SENP7: variants seen among roughly 807,000 people sequenced by gnomAD.
SENP7 encodes the protein sentrin-specific protease 7.
In SENP7, 64 loss-of-function variants were observed where a neutral mutation model predicts 141.2. The ratio of observed to expected loss-of-function variants is 0.45; its 90% CI spans 0.37 to 0.56. SENP7 has a LOEUF of 0.56. SENP7 is among the 20% of genes least tolerant of loss of function. The probability of loss-of-function intolerance (pLI) is 0.00; values close to 1 mark genes in which losing one functional copy is unlikely to be tolerated. For synonymous variants in SENP7, 382 were observed against 426.4 expected (o/e 0.90, Z 1.28); for missense variants, 1,025 against 1,212.2 (o/e 0.85, Z 2.29).
chr3:101,407,766 C>A (rs1405143235), intron 5 of SENP7, among the ~76,000 whole-genome samples: 1 of 152,086 alleles, frequency 6.6e-6, no homozygotes, highest in Non-Finnish European at 1.5e-5. Flanking sequence ...CCTATCAAAA[C>A]CTCTGGGACA....
chr3:101,376,607 G>T (rs1013284896), intron 6 of SENP7, among the ~76,000 whole-genome samples: 2 of 151,960 alleles, frequency 1.3e-5, no homozygotes, highest in African/African-American at 4.8e-5. Context: ...ACACAGGAAG[G>T]GGAATATCAC....
chr3:101,476,950 G>GT (rs1315554340), intron 3 of SENP7, among the ~76,000 whole-genome samples: 1 of 152,038 alleles, frequency 6.6e-6, no homozygotes, highest in Non-Finnish European at 1.5e-5. Flanking sequence ...GGGGTTATTT[G>GT]TTTTTTTCTT....
intron 3 of SENP7, among the ~76,000 whole-genome samples, chr3:101,462,776 G>A (rs559769179): frequency 6.6e-6 from 1 of 151,024 alleles, no homozygotes; most frequent in South Asian, 2.1e-4. Context: ...GCTGAGGCAT[G>A]AGAATCGCTG....
Position 101,334,995 on chromosome 3 carries a change from G to A in SENP7, c.2481-2133C>T, listed in dbSNP as rs190177214. Among the ~76,000 whole-genome samples the A allele has an allele frequency of 2.6e-5, 4 of 152,240 alleles. No individual in the cohort carries two copies. In the East Asian group the frequency reaches 7.7e-4, roughly 29 times the overall value. On this transcript the variant is annotated intron_variant, in intron 17 of 23. Transcript: ENST00000394095. Reference sequence around the variant, plus strand: ...TAATATGTTCCAAGCACCGAGCAAGGTACTGAGGATAGAGTGGAAAATAAG... The same window carrying A: ...TAATATGTTCCAAGCACCGAGCAAGATACTGAGGATAGAGTGGAAAATAAG...
At chr3:101,457,468 A>G (rs2063391548) in intron 4 of SENP7, 1 of 1,608,306 alleles carries the variant, frequency 6.2e-7, no homozygotes, top group Non-Finnish European at 8.5e-7. Context: ...GTAATGGTGA[A>G]AGTGTTTGCT....
intron 12 of SENP7, among the ~76,000 whole-genome samples, chr3:101,349,634 T>C (rs544219901): frequency 5.3e-5 from 8 of 152,176 alleles, no homozygotes; most frequent in Admixed American, 2.6e-4. Context: ...TGTATACATA[T>C]GTAACAGACC....
At chr3:101,447,040 C>G (rs1363979285) in intron 4 of SENP7, among the ~76,000 whole-genome samples, 1 of 151,836 alleles carries the variant, frequency 6.6e-6, no homozygotes, top group Admixed American at 6.6e-5. Flanking sequence ...AGATCGAAAA[C>G]AAAAAGTGAG....
At chr3:101,493,991 A>T in intron 2 of SENP7, 23 bp from the exon 3 acceptor site, 2 of 1,435,460 alleles carry the variant, frequency 1.4e-6, no homozygotes, top group Non-Finnish European at 9.8e-7. Flanking sequence ...TGAGAAAATA[A>T]TTAGTTTAAT....
intron 5 of SENP7, among the ~76,000 whole-genome samples, chr3:101,406,480 G>A (rs1423836458): frequency 1.3e-5 from 2 of 151,804 alleles, no homozygotes; most frequent in African/African-American, 4.8e-5. Context: ...TATATCTAAT[G>A]TAAATGACGA....
intron 1 of SENP7, among the ~76,000 whole-genome samples, chr3:101,502,385 C>G (rs1485674426): frequency 5.3e-5 from 8 of 152,216 alleles, no homozygotes; most frequent in African/African-American, 1.9e-4. Flanking sequence ...TCACTGCAAC[C>G]TCCACCTCCC....
chr3:101,326,184 T>C, intron 23 of SENP7, 104 bp from the exon 24 acceptor site: 1 of 897,686 alleles, frequency 1.1e-6, no homozygotes, highest in Non-Finnish European at 1.6e-6. Flanking sequence ...TTTTTTAAAA[T>C]AACAATTATA....
chr3:101,417,853 C>T, intron 4 of SENP7, 63 bp from the exon 5 acceptor site: 1 of 1,274,656 alleles, frequency 7.8e-7, no homozygotes, highest in Non-Finnish European at 1.1e-6. Flanking sequence ...ATGAATTCAT[C>T]ACAAACTAAT....
intron 5 of SENP7, among the ~76,000 whole-genome samples, chr3:101,406,411 C>T (rs919063511): frequency 2.0e-5 from 3 of 151,162 alleles, no homozygotes; most frequent in Admixed American, 2.0e-4. Flanking sequence ...GGAAGGGGAA[C>T]ATCACACACC....
chr3:101,327,829 A>T lies in SENP7; in HGVS notation c.2865-13T>A. 19 of 1,568,956 alleles carry T rather than the reference A, an allele frequency of 1.2e-5. No homozygotes were observed. The highest frequency in any genetic ancestry group is 1.7e-5 in the Non-Finnish European group (19 of 1,145,254). On this transcript the variant is annotated splice_polypyrimidine_tract_variant and intron_variant, in intron 22 of 23. Coordinates refer to ENST00000394095, the MANE Select transcript of SENP7 (RefSeq NM_020654.5). Reference sequence around the variant, plus strand: ...TACCTCTAAATACCTGAAATAATCAACAAATAAGAGTGACTAAAGTAGAAA... The same window carrying T: ...TACCTCTAAATACCTGAAATAATCATCAAATAAGAGTGACTAAAGTAGAAA...
Position 101,513,195 on chromosome 3 carries a change from G to GCC in SENP7, c.-66_-65insGG. The GCC allele has an allele frequency of 2.4e-5, 16 of 669,284 alleles. No individual in the cohort carries two copies. The highest frequency in any genetic ancestry group is 3.7e-5 in the Non-Finnish European group (15 of 403,436). The allele number at this position is 669,284 out of a possible 1,614,324, so 41.5% of individuals were successfully genotyped here. A position where few individuals can be genotyped will look rare whatever the true frequency, so the allele number is the denominator to read the frequency against. On this transcript the variant is annotated 5_prime_UTR_variant, in exon 1 of 24. Coordinates refer to ENST00000394095, the MANE Select transcript of SENP7 (RefSeq NM_020654.5). ...CCTCAGGACCCCTCCGGCTTGGAGA[G>GCC]GGAGGGGGAGGGGAAAGGAAAAAAA... is the stretch of plus-strand genomic sequence containing the variant.
intron 2 of SENP7, among the ~76,000 whole-genome samples, chr3:101,494,508 C>G (rs1463905445): frequency 1.3e-5 from 2 of 152,078 alleles, no homozygotes; most frequent in Non-Finnish European, 1.5e-5. Flanking sequence ...CCTTCTCTCC[C>G]TAGTGAAGTA....
In SENP7 at chr3:101,327,833, A is replaced by G; in HGVS notation, c.2865-17T>C. On this transcript the variant is annotated splice_polypyrimidine_tract_variant and intron_variant, in intron 22 of 23. Transcript: ENST00000394095. ...TCTAAATACCTGAAATAATCAACAA[A>G]TAAGAGTGACTAAAGTAGAAATCTA... is the stretch of plus-strand genomic sequence containing the variant. The G allele has an allele frequency of 1.9e-6, 3 of 1,555,112 alleles. No individual in the cohort carries two copies. The highest frequency in any genetic ancestry group is 1.4e-5 in the African/African-American group (1 of 73,388).
intron 1 of SENP7, among the ~76,000 whole-genome samples, chr3:101,511,333 T>A (rs912209719): frequency 6.6e-6 from 1 of 152,190 alleles, no homozygotes; most frequent in Non-Finnish European, 1.5e-5. Flanking sequence ...AAGGCAAATA[T>A]CTTACCTTCC....
intron 10 of SENP7, among the ~76,000 whole-genome samples, chr3:101,364,149 C>A (rs1468517132): frequency 6.6e-6 from 1 of 152,002 alleles, no homozygotes; most frequent in Non-Finnish European, 1.5e-5. Context: ...GATGCTTGAG[C>A]CCAAGAGGTT....
Sources: gnomAD v4.1 joint callset for allele counts (sites outside exome capture counted in the v4.1 genomes callset) on GRCh38, gnomAD v4.1.1 for gene constraint, MANE v1.5 for transcripts, NCBI Gene and HGNC (gene_info 2026-07-23, HGNC 2026-07-21) for gene names.